PPFIA2: variants seen among roughly 807,000 people sequenced by gnomAD.
PPFIA2 encodes the protein liprin-alpha-2.
PPFIA2 carries 46 observed loss-of-function variants against 175.5 expected under a neutral mutation model. The observed-to-expected ratio is 0.26, with a 90% CI of 0.21 to 0.34. The LOEUF is 0.34. Ranked by LOEUF, PPFIA2 falls within the 10% of genes least tolerant of loss-of-function variation. PPFIA2 has a pLI of 1.00. For synonymous variants in PPFIA2, 568 were observed against 511.4 expected (o/e 1.11, Z -1.49); for missense variants, 1,179 against 1,506.1 (o/e 0.78, Z 3.60).
At chr12:81,704,715 T>A (rs919941544) in intron 3 of PPFIA2, among the ~76,000 whole-genome samples, 1 of 152,080 alleles carries the variant, frequency 6.6e-6, no homozygotes, top group Non-Finnish European at 1.5e-5. Context: ...AATTTTTCTA[T>A]AAGTTATATT....
At chr12:81,624,054 G>C (rs1333489649) in intron 4 of PPFIA2, among the ~76,000 whole-genome samples, 1 of 151,930 alleles carries the variant, frequency 6.6e-6, no homozygotes, top group East Asian at 1.9e-4. Flanking sequence ...ATGTGAAATG[G>C]TGAATAGGAA....
At chr12:81,564,904 A>T (rs997578391) in intron 4 of PPFIA2, among the ~76,000 whole-genome samples, 2 of 152,130 alleles carry the variant, frequency 1.3e-5, no homozygotes, top group Non-Finnish European at 2.9e-5. Flanking sequence ...GGAAAAACAG[A>T]CACAAGCTCT....
intron 3 of PPFIA2, among the ~76,000 whole-genome samples, chr12:81,751,776 T>G (rs2153664672): frequency 6.6e-6 from 1 of 152,226 alleles, no homozygotes; most frequent in Non-Finnish European, 1.5e-5. Context: ...AATAAAACAT[T>G]TTCATTCTTG....
At chr12:81,478,294 TTC>T (rs1295536579) in intron 4 of PPFIA2, among the ~76,000 whole-genome samples, 2 of 152,132 alleles carry the variant, frequency 1.3e-5, no homozygotes, top group Non-Finnish European at 2.9e-5. Flanking sequence ...TATTTGATTC[TTC>T]TCTCTTTTCT....
chr12:81,394,938 T>C (rs889600355), intron 8 of PPFIA2, among the ~76,000 whole-genome samples: 1 of 152,074 alleles, frequency 6.6e-6, no homozygotes, highest in Non-Finnish European at 1.5e-5. Context: ...CCAGTTACTA[T>C]GATAAGCATC....
chr12:81,741,557 A>G (rs2082325357), intron 3 of PPFIA2, among the ~76,000 whole-genome samples: 1 of 152,194 alleles, frequency 6.6e-6, no homozygotes, highest in Admixed American at 6.5e-5. Flanking sequence ...ACAGGCCACA[A>G]GTGGCTCAGG....
At chr12:81,281,520 A>T in intron 26 of PPFIA2, 70 bp from the exon 27 acceptor site, 1 of 1,026,496 alleles carries the variant, frequency 9.7e-7, no homozygotes, top group South Asian at 2.0e-5. Context: ...AATATTACCT[A>T]TTATTATAAC....
At chr12:81,673,177 G>A (rs2071764527) in intron 4 of PPFIA2, among the ~76,000 whole-genome samples, 1 of 151,932 alleles carries the variant, frequency 6.6e-6, no homozygotes, top group Non-Finnish European at 1.5e-5. Context: ...CTGGCTCATG[G>A]GTTCAACACA....
chr12:81,603,522 C>A (rs904178178), intron 4 of PPFIA2, among the ~76,000 whole-genome samples: 1 of 151,354 alleles, frequency 6.6e-6, no homozygotes, highest in Non-Finnish European at 1.5e-5. Flanking sequence ...AAAACAGATA[C>A]ACTTTTTGAA....
intron 4 of PPFIA2, among the ~76,000 whole-genome samples, chr12:81,477,964 G>A (rs1407820877): frequency 6.6e-6 from 1 of 151,934 alleles, no homozygotes. Context: ...CTATTGTTTG[G>A]AATAGTTTCA....
chr12:81,443,580 G>A (rs1245958728), intron 6 of PPFIA2, among the ~76,000 whole-genome samples: 1 of 151,988 alleles, frequency 6.6e-6, no homozygotes, highest in African/African-American at 2.4e-5. Context: ...CTTAAATGCT[G>A]TTTATTACCT....
intron 15 of PPFIA2, among the ~76,000 whole-genome samples, chr12:81,360,082 T>A (rs540705122): frequency 1.2e-4 from 18 of 152,060 alleles, no homozygotes; most frequent in African/African-American, 4.3e-4. Context: ...TTTTAAGGTC[T>A]CAGTTTAAAA....
intron 4 of PPFIA2, among the ~76,000 whole-genome samples, chr12:81,655,020 C>A (rs1261689321): frequency 6.6e-6 from 1 of 151,856 alleles, no homozygotes; most frequent in Non-Finnish European, 1.5e-5. Context: ...TTTTTTATTT[C>A]TTGAATTAAC....
chr12:81,315,353 TA>T (rs758549017), intron 22 of PPFIA2, among the ~76,000 whole-genome samples: 18 of 151,858 alleles, frequency 1.2e-4, no homozygotes, highest in Admixed American at 2.6e-4. Context: ...GTGTGGTTGT[TA>T]TATGTAGATG....
intron 4 of PPFIA2, among the ~76,000 whole-genome samples, chr12:81,604,804 T>C (rs1039747901): frequency 6.6e-6 from 1 of 151,680 alleles, no homozygotes; most frequent in African/African-American, 2.4e-5. Context: ...TTCAGGAAAT[T>C]TAATATTAGC....
chr12:81,342,556 T>C (rs2058303257), intron 19 of PPFIA2, among the ~76,000 whole-genome samples: 1 of 152,168 alleles, frequency 6.6e-6, no homozygotes. Context: ...CATTTTTATA[T>C]AATTCCTTTG....
chr12:81,468,772 A>G (rs1040311623), intron 4 of PPFIA2, among the ~76,000 whole-genome samples: 9 of 152,184 alleles, frequency 5.9e-5, no homozygotes, highest in African/African-American at 1.9e-4. Flanking sequence ...CTATTGAAAC[A>G]TATTTTCCTG....
At chr12:81,379,951 T>C (rs371224368) in intron 9 of PPFIA2, among the ~76,000 whole-genome samples, 17 of 152,224 alleles carry the variant, frequency 1.1e-4, no homozygotes, top group Non-Finnish European at 1.9e-4. Context: ...TATATGGTTG[T>C]TTTTTCTTAT....
intron 4 of PPFIA2, among the ~76,000 whole-genome samples, chr12:81,612,244 G>A (rs1348700191): frequency 6.6e-6 from 1 of 151,900 alleles, no homozygotes; most frequent in Non-Finnish European, 1.5e-5. Flanking sequence ...ATCCACAGCT[G>A]GCTATGCATA....
Sources: allele counts gnomAD v4.1 joint callset (sites outside exome capture counted in the v4.1 genomes callset), GRCh38; gene constraint gnomAD v4.1.1; transcripts MANE v1.5; gene names NCBI Gene and HGNC (gene_info 2026-07-23, HGNC 2026-07-21).